DACH2: variants seen among roughly 807,000 people sequenced by gnomAD.
DACH2 encodes dachshund homolog 2.
DACH2 carries 17 observed loss-of-function variants against 35.8 expected under a neutral mutation model. That is an observed-to-expected ratio of 0.48 (90% confidence interval 0.33 to 0.71). DACH2 has a LOEUF of 0.71. Ranked by LOEUF, DACH2 falls within the 30% of genes least tolerant of loss-of-function variation. The probability of loss-of-function intolerance (pLI) is 0.02; values close to 1 mark genes in which losing one functional copy is unlikely to be tolerated. For missense variants in DACH2, 469 were observed against 472.7 expected (o/e 0.99, Z 0.07); for synonymous variants, 195 against 177.3 (o/e 1.10, Z -0.79).
intron 3 of DACH2, among the ~76,000 whole-genome samples, chrX:86,554,688 A>T (rs1173302700): frequency 1.8e-5 from 2 of 111,512 alleles, no homozygotes; most frequent in Non-Finnish European, 3.8e-5. Context: ...CTAACGACCA[A>T]TTAAGTATTG....
At chrX:86,644,314 C>T (rs2040387389) in intron 3 of DACH2, among the ~76,000 whole-genome samples, 1 of 111,391 alleles carries the variant, frequency 9.0e-6, no homozygotes. Context: ...AAGACAATCC[C>T]ACTTATAATT....
intron 1 of DACH2, chrX:86,160,116 T>C (rs1185784268): frequency 2.9e-5 from 14 of 479,150 alleles, no homozygotes; most frequent in Admixed American, 8.7e-5. Context: ...CAATGCATTG[T>C]TATCATTAAC....
intron 11 of DACH2, among the ~76,000 whole-genome samples, chrX:86,819,474 G>T (rs1284174419): frequency 8.9e-6 from 1 of 111,787 alleles, no homozygotes; most frequent in Non-Finnish European, 1.9e-5. Flanking sequence ...AGTGCCATTT[G>T]CATAGTGCAT....
At chrX:86,186,598 C>T (rs768470093) in intron 1 of DACH2, among the ~76,000 whole-genome samples, 4 of 111,237 alleles carry the variant, frequency 3.6e-5, no homozygotes, top group Non-Finnish European at 5.7e-5. Context: ...TTAAGTAGGA[C>T]GTTTATAAAG....
intron 2 of DACH2, among the ~76,000 whole-genome samples, chrX:86,463,846 CA>C (rs888537424): frequency 1.8e-5 from 2 of 111,153 alleles, no homozygotes; most frequent in Admixed American, 9.6e-5. Flanking sequence ...ATAACTCCAT[CA>C]AAAAGTGGGC....
chrX:86,310,938 G>A (rs953581263), intron 1 of DACH2, among the ~76,000 whole-genome samples: 2 of 111,114 alleles, frequency 1.8e-5, no homozygotes, highest in Non-Finnish European at 3.8e-5. Context: ...TGAACAAAGA[G>A]GCCATGGTGG....
intron 2 of DACH2, among the ~76,000 whole-genome samples, chrX:86,477,957 GAACA>G (rs1479864822): frequency 9.0e-6 from 1 of 111,305 alleles, no homozygotes; most frequent in Non-Finnish European, 1.9e-5. Context: ...CAAAAAAAAG[GAACA>G]AACAGGCAAA....
intron 9 of DACH2, among the ~76,000 whole-genome samples, chrX:86,813,479 G>A (rs1348168197): frequency 9.4e-6 from 1 of 106,476 alleles, no homozygotes. Context: ...GGGCGTGGTG[G>A]TGGGCGCCTG....
At chrX:86,747,015 A>G (rs145160267) in intron 7 of DACH2, among the ~76,000 whole-genome samples, 1,919 of 111,994 alleles carry the variant, frequency 0.017, 30 homozygotes, top group Non-Finnish European at 0.025. Flanking sequence ...AAAATTAAGC[A>G]CTGATTTCTG....
At chrX:86,233,720 C>T (rs767865195) in intron 1 of DACH2, among the ~76,000 whole-genome samples, 1 of 111,914 alleles carries the variant, frequency 8.9e-6, no homozygotes, top group Non-Finnish European at 1.9e-5. Context: ...GTTGGACTTA[C>T]AGTTCCACAT....
chrX:86,164,914 T>C (rs242851), intron 1 of DACH2, among the ~76,000 whole-genome samples: 55,825 of 109,595 alleles, frequency 0.51, 12,267 homozygotes, highest in African/African-American at 0.83. Flanking sequence ...CTTGGCTATT[T>C]GGGCTCCTTT....
chrX:86,661,469 G>A (rs141653429), intron 4 of DACH2, among the ~76,000 whole-genome samples: 4,037 of 112,045 alleles, frequency 0.036, 188 homozygotes, highest in African/African-American at 0.12. Flanking sequence ...TATTTTACTT[G>A]GAATAATGTT....
chrX:86,322,475 T>A (rs1377046883), intron 1 of DACH2, among the ~76,000 whole-genome samples: 1 of 111,392 alleles, frequency 9.0e-6, no homozygotes, highest in African/African-American at 3.3e-5. Flanking sequence ...TCTCCCTCCT[T>A]GGTCCCTGGG....
intron 3 of DACH2, among the ~76,000 whole-genome samples, chrX:86,624,991 A>G (rs1419034823): frequency 9.0e-6 from 1 of 111,635 alleles, no homozygotes; most frequent in Non-Finnish European, 1.9e-5. Context: ...AAAAGGTAGG[A>G]GAAAGATAAA....
chrX:86,400,156 C>T (rs1028897084), intron 2 of DACH2, among the ~76,000 whole-genome samples: 2 of 111,962 alleles, frequency 1.8e-5, no homozygotes, highest in African/African-American at 3.3e-5. Context: ...GATACCCTTT[C>T]TTCCAGTTGA....
chrX:86,801,466 T>C (rs758640717), intron 7 of DACH2, among the ~76,000 whole-genome samples: 109 of 111,781 alleles, frequency 9.8e-4, no homozygotes, highest in African/African-American at 3.2e-3. Context: ...TATGTGCACA[T>C]ACGTGGGTGT....
At chrX:86,363,299 C>T (rs1236963157) in intron 1 of DACH2, among the ~76,000 whole-genome samples, 3 of 110,530 alleles carry the variant, frequency 2.7e-5, no homozygotes, top group East Asian at 5.7e-4. Flanking sequence ...ATAAATTGAC[C>T]TTATGCTTCA....
intron 7 of DACH2, among the ~76,000 whole-genome samples, chrX:86,789,319 C>T (rs1187849523): frequency 9.0e-6 from 1 of 111,699 alleles, no homozygotes; most frequent in African/African-American, 3.3e-5. Flanking sequence ...AACAGGTATT[C>T]AATCTTTTAG....
rs2041494839 is a variant in DACH2 at position 86,728,391 on chromosome X, T to A, written c.1105-11356T>A. ...TAAACAGGAAGCAGAGCATTAAAGTTTGGAAAATTTGCAGCCTAGCTATGT... is the reference window on the plus strand; with the variant it reads ...TAAACAGGAAGCAGAGCATTAAAGTATGGAAAATTTGCAGCCTAGCTATGT... On this transcript the variant is annotated intron_variant, in intron 6 of 11. Transcript: ENST00000373125. 3.6e-5 allele frequency among the ~76,000 whole-genome samples: 4 copies of A among 112,367 alleles called. 1 individual carries two copies. In the South Asian group the frequency reaches 1.5e-3, roughly 41 times the overall value.
Sources: gnomAD v4.1 joint callset for allele counts (sites outside exome capture counted in the v4.1 genomes callset) on GRCh38, gnomAD v4.1.1 for gene constraint, MANE v1.5 for transcripts, NCBI Gene and HGNC (gene_info 2026-07-23, HGNC 2026-07-21) for gene names.